Variants in GPN3 observed in about 807,000 individuals in gnomAD.
GPN3 encodes GPN-loop GTPase 3, also known as ATP-binding domain 1 family member C.
In GPN3, 31 loss-of-function variants were observed where a neutral mutation model predicts 38.7. The ratio of observed to expected loss-of-function variants is 0.80; its 90% CI spans 0.60 to 1.08. The LOEUF is 1.08. Among genes scored for constraint, GPN3 ranks in the 50% least tolerant of loss-of-function variants. The probability of loss-of-function intolerance (pLI) is 0.00; values close to 1 mark genes in which losing one functional copy is unlikely to be tolerated. For missense variants in GPN3, 301 were observed against 354.4 expected, an observed-to-expected ratio of 0.85 and a Z score of 1.21; for synonymous variants, 116 against 120.2, an observed-to-expected ratio of 0.96 and a Z score of 0.23.
At position 110,458,243 on chromosome 12, in the gene GPN3, G is replaced by A. The variant is rs910735767; in HGVS notation, c.326-609C>T. On this transcript the variant is annotated intron_variant, in intron 3 of 7. Transcript: ENST00000228827. The surrounding 1 kb of genome is among the most constrained non-coding windows in gnomAD (Gnocchi z 4.4). ...CACCTGTAATCCCAGCACTTTGGGAGGCTAAGGTGGGAGGATAGCTTGAGC... is the reference window on the plus strand; with the variant it reads ...CACCTGTAATCCCAGCACTTTGGGAAGCTAAGGTGGGAGGATAGCTTGAGC... Among the ~76,000 whole-genome samples, 5 of 152,166 alleles carry A rather than the reference G, an allele frequency of 3.3e-5. No homozygotes were observed. Among genetic ancestry groups the A allele is most frequent in the Admixed American group, 3.3e-4 (5 of 15,272 alleles).
intron 2 of GPN3, among the ~76,000 whole-genome samples, chr12:110,460,519 G>A (rs2062579182): frequency 6.6e-6 from 1 of 152,158 alleles, no homozygotes; most frequent in Non-Finnish European, 1.5e-5. Context: ...AGAAGGATGA[G>A]AACTATGAGA....
At chr12:110,465,831 CT>C (rs1250962290) in intron 1 of GPN3, among the ~76,000 whole-genome samples, 1 of 152,136 alleles carries the variant, frequency 6.6e-6, no homozygotes. Flanking sequence ...AATCCCAGTA[CT>C]TTGGGAGGCT....
chr12:110,468,542 C>G (rs548514583), upstream of GPN3: 93 of 1,537,328 alleles, frequency 6.0e-5, 2 homozygotes, highest in South Asian at 1.1e-3. Flanking sequence ...GGTTTGCGTG[C>G]AGACGTTTGA....
intron 2 of GPN3, chr12:110,461,137 G>A (rs772851978): frequency 2.3e-6 from 3 of 1,316,268 alleles, no homozygotes; most frequent in Non-Finnish European, 3.3e-6. Flanking sequence ...AAGAGATTCA[G>A]AAATTTGCCA....
rs1157889698 is a variant in GPN3 at position 110,452,786 on chromosome 12, T to A, written c.*248A>T. 1 of 410,284 alleles carries A rather than the reference T, an allele frequency of 2.4e-6. No homozygotes were observed. The allele number at this position is 410,284 out of a possible 1,614,324, so 25.4% of individuals were successfully genotyped here. ...AGGTGCTAATTTATATATAAATCTA[T>A]GTGCATTCATTTCAATTTTGACTTA... is the stretch of plus-strand genomic sequence containing the variant. On this transcript the variant is annotated 3_prime_UTR_variant, in exon 8 of 8. Transcript: ENST00000228827.
chr12:110,462,344 C>T (rs987022886), intron 2 of GPN3, among the ~76,000 whole-genome samples: 2 of 152,082 alleles, frequency 1.3e-5, no homozygotes, highest in Non-Finnish European at 2.9e-5. Context: ...GCAAAGAGAA[C>T]GTCCCCAAAC....
chr12:110,466,446 T>A (rs1170101617), intron 1 of GPN3, among the ~76,000 whole-genome samples: 1 of 151,914 alleles, frequency 6.6e-6, no homozygotes, highest in Non-Finnish European at 1.5e-5. Flanking sequence ...GTCCTCTCAG[T>A]GCCTTTACAC....
chr12:110,458,790 A>G lies in GPN3; in HGVS notation c.325+905T>C, dbSNP rs572156575. On this transcript the variant is annotated intron_variant, in intron 3 of 7. Coordinates refer to ENST00000228827, the MANE Select transcript of GPN3 (RefSeq NM_016301.4). This position sits in a 1 kb window ranked among gnomAD's most constrained non-coding sequence, Gnocchi z 4.4. ...AATGAAACTCAGTCTCAAAAAAAAG[A>G]AAAAAAAAAAAGAAAATTCACGATT... Among the ~76,000 whole-genome samples the G allele has an allele frequency of 9.5e-4, 139 of 145,626 alleles. No homozygotes were observed. Among genetic ancestry groups the G allele is most frequent in the African/African-American group, 3.3e-3 (130 of 39,528 alleles).
chr12:110,462,635 T>C (rs772580940), intron 2 of GPN3, among the ~76,000 whole-genome samples: 5 of 152,208 alleles, frequency 3.3e-5, no homozygotes, highest in Admixed American at 1.3e-4. Flanking sequence ...TTGCCCAGGC[T>C]GGAGTGCAAT....
rs186873128 is a variant in GPN3 at position 110,457,901 on chromosome 12, G to A, written c.326-267C>T. On this transcript the variant is annotated intron_variant, in intron 3 of 7. Coordinates refer to ENST00000228827, the MANE Select transcript of GPN3 (RefSeq NM_016301.4). Reference sequence around the variant, plus strand: ...CCAGCACTTTGGGAGGCTGTGGCAGGTGGATCACTTGAGGCCAGGAGTTCA... The same window carrying A: ...CCAGCACTTTGGGAGGCTGTGGCAGATGGATCACTTGAGGCCAGGAGTTCA... Among the ~76,000 whole-genome samples, 879 of 152,166 alleles carry A rather than the reference G, an allele frequency of 5.8e-3. 5 individuals are homozygous for A. Among genetic ancestry groups the A allele is most frequent in the South Asian group, 0.022 (107 of 4,816 alleles).
At chr12:110,466,565 C>T (rs1213398933) in intron 1 of GPN3, among the ~76,000 whole-genome samples, 1 of 151,876 alleles carries the variant, frequency 6.6e-6, no homozygotes, top group African/African-American at 2.4e-5. Context: ...GTGGCACCAT[C>T]ATAGCTCACT....
In GPN3 at chr12:110,459,729, A is replaced by G. The variant is rs1360008756; in HGVS notation, c.291T>C (p.His97=). 11 of 1,612,890 alleles carry G rather than the reference A, an allele frequency of 6.8e-6. No homozygotes were observed. The highest frequency in any genetic ancestry group is 8.5e-6 in the Non-Finnish European group (10 of 1,178,954). Residue 97 remains histidine (H), a synonymous_variant, in exon 3 of 8, where the codon CAT becomes CAC. Coordinates refer to ENST00000228827, the MANE Select transcript of GPN3 (RefSeq NM_016301.4). ...NFDWLENCLG[H]VEDDYILFDC... ...CAAAAAGGATATAGTCGTCCTCTAC[A>G]TGGCCAAGACAGTTCTCCAGCCAGT...
Position 110,465,122 on chromosome 12 carries a change from G to A in GPN3, c.141C>T (p.Asn47=). Residue 47 remains asparagine, a synonymous_variant, in exon 2 of 8, where the codon AAC becomes AAT. Transcript: ENST00000228827. ...VNLDPAAEHF[N]YSVMADIREL... is the part of the protein sequence containing the mutation. ...AGGACTTACCAGCCATCACGGAGTA[G>A]TTGAAGTGTTCTGCTGCTGGATCCA... 1 of 1,589,454 alleles carries A rather than the reference G, an allele frequency of 6.3e-7. No individual in the cohort carries two copies. Among genetic ancestry groups the A allele is most frequent in the Non-Finnish European group, 8.6e-7 (1 of 1,157,380 alleles).
At chr12:110,455,721 G>T in intron 5 of GPN3, 39 bp from the exon 6 acceptor site, 1 of 1,052,622 alleles carries the variant, frequency 9.5e-7, no homozygotes, top group Non-Finnish European at 1.5e-6. Context: ...CAGGAGACTA[G>T]GTTTATAAAC....
Position 110,452,990 on chromosome 12 carries a change from G to T in GPN3, c.*44C>A. The stretch of plus-strand genomic sequence containing the variant: ...CCTTTGAAGAGAAGAATGTTCTGCT[G>T]GTTTGGCCACAAGCTCTTTAGATGG... On this transcript the variant is annotated 3_prime_UTR_variant, in exon 8 of 8. Coordinates refer to ENST00000228827, the MANE Select transcript of GPN3 (RefSeq NM_016301.4). 1.2e-6 allele frequency: 1 copy of T among 842,450 alleles called. No homozygotes were observed. The highest frequency in any genetic ancestry group is 2.1e-6 in the Non-Finnish European group (1 of 475,156). 52.2% of individuals were successfully genotyped at this position (842,450 alleles called of 1,614,324 possible). A position where few individuals can be genotyped will look rare whatever the true frequency, so the allele number is the denominator to read the frequency against.
intron 2 of GPN3, among the ~76,000 whole-genome samples, chr12:110,460,377 C>T (rs1037736516): frequency 1.4e-4 from 22 of 152,034 alleles, no homozygotes; most frequent in African/African-American, 5.3e-4. Flanking sequence ...ACATTATGAA[C>T]CATGTGAATA....
chr12:110,467,764 T>A (rs902233651), intron 1 of GPN3, among the ~76,000 whole-genome samples: 2 of 152,198 alleles, frequency 1.3e-5, no homozygotes, highest in African/African-American at 4.8e-5. Flanking sequence ...AGACCCCACT[T>A]TACCCTCCTG....
intron 6 of GPN3, among the ~76,000 whole-genome samples, chr12:110,454,588 G>C (rs1316323805): frequency 6.6e-6 from 1 of 152,016 alleles, no homozygotes; most frequent in Non-Finnish European, 1.5e-5. Context: ...CTGACCTCAA[G>C]TGATCCACCT....
In GPN3 at chr12:110,465,140, T is replaced by C. The variant is rs369420622; in HGVS notation, c.123A>G (p.Pro41=). Residue 41 remains proline (P), a synonymous_variant, in exon 2 of 8, where the codon CCA becomes CCG. Transcript: ENST00000228827. ...CGGAGTAGTTGAAGTGTTCTGCTGC[T>C]GGATCCAGGTTTACAACTTGGACAG... ...NRSVQVVNLD[P]AAEHFNYSVM... is the part of the protein sequence containing the mutation. The C allele has an allele frequency of 6.2e-7, 1 of 1,609,012 alleles. No homozygotes were observed. Among genetic ancestry groups the C allele is most frequent in the Non-Finnish European group, 8.5e-7 (1 of 1,175,258 alleles).
Sources: gnomAD v4.1 joint callset for allele counts (sites outside exome capture counted in the v4.1 genomes callset) on GRCh38, gnomAD v4.1.1 for gene constraint, Gnocchi (gnomAD v3.1) non-coding constraint, MANE v1.5 for transcripts, NCBI Gene and HGNC (gene_info 2026-07-23, HGNC 2026-07-21) for gene names.